Variants in DAB1 observed in about 807,000 individuals in gnomAD.
DAB1 encodes disabled homolog 1.
In DAB1, 15 loss-of-function variants were observed where a neutral mutation model predicts 64.6. The ratio of observed to expected loss-of-function variants is 0.23; its 90% confidence interval spans 0.16 to 0.36. The LOEUF (loss-of-function observed/expected upper bound fraction) is 0.36, where lower values mean the gene tolerates loss of function less well. Among genes scored for constraint, DAB1 ranks in the 10% least tolerant of loss-of-function variants. DAB1 has a pLI of 1.00. For missense variants in DAB1, 596 were observed against 706.7 expected, an observed-to-expected ratio of 0.84 and a Z score of 1.78; for synonymous variants, 235 against 251.9, an observed-to-expected ratio of 0.93 and a Z score of 0.64.
chr1:57,876,911 G>T (rs1413005191), intron 1 of DAB1: 1 of 152,058 alleles, frequency 6.6e-6, no homozygotes, highest in Non-Finnish European at 1.5e-5. Context: ...GTACTATGGG[G>T]ATAGGGATAG....
At chr1:58,467,940 T>A (rs1645312653) in intron 3 of DAB1, 1 of 153,208 alleles carries the variant, frequency 6.5e-6, no homozygotes, top group African/African-American at 2.4e-5. Flanking sequence ...TGTTTGTTTG[T>A]TTTGAGATGG....
At chr1:57,855,184 G>C in intron 1 of DAB1, among the ~76,000 whole-genome samples, 1 of 152,054 alleles carries the variant, frequency 6.6e-6, no homozygotes, top group South Asian at 2.1e-4. Context: ...GGAAGCTGAG[G>C]GGGAGGGGTG....
intron 7 of DAB1, among the ~76,000 whole-genome samples, chr1:57,527,024 T>A (rs547496852): frequency 1.6e-4 from 25 of 152,172 alleles, no homozygotes; most frequent in African/African-American, 1.9e-4. Flanking sequence ...TATCACAATT[T>A]TCTGGGTAAG....
Position 57,071,516 on chromosome 1 carries a change from G to A in DAB1, c.558+6C>T, listed in dbSNP as rs563662046. On this transcript the variant is annotated splice_donor_region_variant and intron_variant, in intron 6 of 14. Transcript: ENST00000371236. Reference sequence around the variant, plus strand: ...CTCCAGCGCAAGGATAAATTCACAGGTATACCTGGTACACAGCTTGTTCAC... The same window carrying A: ...CTCCAGCGCAAGGATAAATTCACAGATATACCTGGTACACAGCTTGTTCAC... 2 of 1,611,260 alleles carry A rather than the reference G, an allele frequency of 1.2e-6. No homozygotes were observed. The highest frequency in any genetic ancestry group is 1.3e-5 in the African/African-American group (1 of 74,748).
intron 6 of DAB1, among the ~76,000 whole-genome samples, chr1:57,811,058 A>G (rs1651595344): frequency 6.6e-6 from 1 of 152,132 alleles, no homozygotes; most frequent in Non-Finnish European, 1.5e-5. Flanking sequence ...CTTTTCTTCT[A>G]TCAAATCTCC....
At chr1:58,030,467 G>A (rs979912414) in intron 5 of DAB1, among the ~76,000 whole-genome samples, 2 of 152,164 alleles carry the variant, frequency 1.3e-5, no homozygotes, top group Non-Finnish European at 2.9e-5. Context: ...ACTCAAAAGA[G>A]TGCTTTGATG....
chr1:57,740,046 C>CAAAAAA (rs34382329), intron 6 of DAB1, among the ~76,000 whole-genome samples: 2 of 103,106 alleles, frequency 1.9e-5, no homozygotes, highest in African/African-American at 3.7e-5. Context: ...ACTACTACTA[C>CAAAAAA]AAAAAAAAAA....
chr1:57,741,680 A>G (rs1454661457), intron 6 of DAB1, among the ~76,000 whole-genome samples: 1 of 152,242 alleles, frequency 6.6e-6, no homozygotes, highest in Non-Finnish European at 1.5e-5. Flanking sequence ...TCTGCGTAGT[A>G]TGCAAATAGT....
At chr1:58,126,550 C>T (rs1001250183) in intron 5 of DAB1, among the ~76,000 whole-genome samples, 1 of 151,550 alleles carries the variant, frequency 6.6e-6, no homozygotes, top group Non-Finnish European at 1.5e-5. Flanking sequence ...TGGTGCGCTG[C>T]ACCCACTAAC....
intron 5 of DAB1, among the ~76,000 whole-genome samples, chr1:58,130,719 C>T (rs1653495274): frequency 1.3e-5 from 2 of 151,534 alleles, no homozygotes; most frequent in Admixed American, 1.3e-4. Context: ...ACTTATGAAG[C>T]TTAGTTTGGC....
At chr1:57,486,039 C>CCTAA (rs1644087432) in intron 7 of DAB1, among the ~76,000 whole-genome samples, 1 of 152,140 alleles carries the variant, frequency 6.6e-6, no homozygotes, top group Non-Finnish European at 1.5e-5. Flanking sequence ...TTAATTGTAC[C>CCTAA]TTCTCTAACT....
intron 4 of DAB1, among the ~76,000 whole-genome samples, chr1:57,110,859 G>A (rs1342558371): frequency 6.6e-6 from 1 of 152,022 alleles, no homozygotes; most frequent in Non-Finnish European, 1.5e-5. Flanking sequence ...AAGAGATGGA[G>A]CAACTTGCCT....
chr1:57,137,362 T>C (rs1280923652), intron 3 of DAB1, among the ~76,000 whole-genome samples: 2 of 152,224 alleles, frequency 1.3e-5, no homozygotes, highest in Non-Finnish European at 2.9e-5. Context: ...CACCGCTTTA[T>C]CTCTAGTGCT....
At chr1:58,354,925 T>C (rs1054852556) in intron 3 of DAB1, among the ~76,000 whole-genome samples, 8 of 152,200 alleles carry the variant, frequency 5.3e-5, no homozygotes, top group Non-Finnish European at 1.2e-4. Context: ...CATTAGACTC[T>C]GTGCTCCAAT....
At chr1:58,125,898 C>A (rs1465397814) in intron 5 of DAB1, among the ~76,000 whole-genome samples, 2 of 152,034 alleles carry the variant, frequency 1.3e-5, no homozygotes, top group Non-Finnish European at 2.9e-5. Context: ...TCCACTCATG[C>A]TTTGGGGTGG....
At chr1:58,116,562 G>T (rs542819512) in intron 5 of DAB1, among the ~76,000 whole-genome samples, 2 of 152,236 alleles carry the variant, frequency 1.3e-5, no homozygotes, top group African/African-American at 4.8e-5. Flanking sequence ...CTTTTAAATA[G>T]GATTTGCCTG....
At chr1:58,320,049 A>G (rs1400912111) in intron 4 of DAB1, among the ~76,000 whole-genome samples, 1 of 152,140 alleles carries the variant, frequency 6.6e-6, no homozygotes, top group Admixed American at 6.5e-5. Context: ...CTGAGCTCAT[A>G]CTCTTTGCCA....
intron 5 of DAB1, among the ~76,000 whole-genome samples, chr1:57,913,498 G>A (rs913997518): frequency 1.1e-4 from 17 of 152,086 alleles, no homozygotes; most frequent in African/African-American, 4.1e-4. Context: ...ACCCTAGAAG[G>A]AAACATAGGC....
At chr1:57,292,044 T>C (rs897351735) in intron 1 of DAB1, among the ~76,000 whole-genome samples, 2 of 152,192 alleles carry the variant, frequency 1.3e-5, no homozygotes, top group African/African-American at 4.8e-5. Context: ...AGAGTTCTAT[T>C]AAAAAGTAAA....
Sources: allele counts gnomAD v4.1 joint callset (sites outside exome capture counted in the v4.1 genomes callset), GRCh38; gene constraint gnomAD v4.1.1; transcripts MANE v1.5; gene names NCBI Gene and HGNC (gene_info 2026-07-23, HGNC 2026-07-21).